The following RB1 variants were observed in gnomAD, a reference collection of about 807,000 sequenced individuals.
The protein encoded by RB1 is RB transcriptional corepressor 1.
RB1 carries 18 observed loss-of-function variants against 135.4 expected under a neutral mutation model. That is an observed-to-expected ratio of 0.13 (90% confidence interval 0.09 to 0.20). The LOEUF (loss-of-function observed/expected upper bound fraction) is 0.20. RB1 is among the 10% of genes least tolerant of loss of function. The pLI is 1.00. For synonymous variants in RB1, 365 were observed against 373.2 expected, an observed-to-expected ratio of 0.98 and a Z score of 0.25; for missense variants, 868 against 1,110.0, an observed-to-expected ratio of 0.78 and a Z score of 3.10.
At chr13:48,404,557 C>T (rs1189100592) in intron 17 of RB1, among the ~76,000 whole-genome samples, 1 of 151,824 alleles carries the variant, frequency 6.6e-6, no homozygotes, top group African/African-American at 2.4e-5. Context: ...ATGACAGTCT[C>T]GCTCTGTCGC....
At chr13:48,415,003 T>A (rs77979461) in intron 17 of RB1, among the ~76,000 whole-genome samples, 2 of 151,292 alleles carry the variant, frequency 1.3e-5, no homozygotes, top group Non-Finnish European at 3.0e-5. Context: ...ATTTTTTTTT[T>A]ATTTGGTTCA....
At chr13:48,306,657 G>A (rs1288791799) in intron 1 of RB1, among the ~76,000 whole-genome samples, 1 of 152,062 alleles carries the variant, frequency 6.6e-6, no homozygotes, top group Non-Finnish European at 1.5e-5. Context: ...ATATGTTTAA[G>A]GTACTTTCTA....
At chr13:48,471,573 T>TTAAAAA (rs71072103) in intron 23 of RB1, among the ~76,000 whole-genome samples, 66,852 of 133,752 alleles carry the variant, frequency 0.5, 20,570 homozygotes, top group Middle Eastern at 0.69. Context: ...AAAATATAAA[T>TTAAAAA]AAAAAAAAAA....
intron 2 of RB1, among the ~76,000 whole-genome samples, chr13:48,322,562 A>G (rs967156193): frequency 3.9e-5 from 6 of 152,246 alleles, no homozygotes; most frequent in African/African-American, 1.4e-4. Flanking sequence ...TCTCCAATAG[A>G]ATGTTGAATA....
chr13:48,328,396 C>A (rs2138065460), intron 2 of RB1: 1 of 1,503,212 alleles, frequency 6.7e-7, no homozygotes, highest in African/African-American at 1.4e-5. Flanking sequence ...CTACCTATGG[C>A]AAATCCAAAG....
intron 17 of RB1, among the ~76,000 whole-genome samples, chr13:48,401,587 C>T (rs917413083): frequency 1.2e-4 from 18 of 152,232 alleles, no homozygotes; most frequent in South Asian, 2.1e-4. Context: ...TGAACTGTCA[C>T]GACCCAGTCT....
At chr13:48,391,494 C>T (rs1459935702) in intron 17 of RB1, 1 of 152,108 alleles carries the variant, frequency 6.6e-6, no homozygotes, top group Non-Finnish European at 1.5e-5. Flanking sequence ...GTGGCTCATA[C>T]CCGTAATCCC....
At chr13:48,320,099 C>A (rs938590044) in intron 2 of RB1, 1 of 669,346 alleles carries the variant, frequency 1.5e-6, no homozygotes, top group African/African-American at 1.8e-5. Context: ...CGCAATGTCC[C>A]GGTCCACGGA....
At chr13:48,445,482 C>CTTTCA (rs1288505700) in intron 17 of RB1, among the ~76,000 whole-genome samples, 28 of 152,326 alleles carry the variant, frequency 1.8e-4, no homozygotes, top group African/African-American at 6.7e-4. Flanking sequence ...TTCTGGTGGC[C>CTTTCA]TCTTTCATTT....
chr13:48,318,657 GT>G, intron 2 of RB1: 1 of 611,184 alleles, frequency 1.6e-6, no homozygotes, highest in East Asian at 3.1e-5. Flanking sequence ...CACCTCCCGC[GT>G]TTTCTTGGGC....
At chr13:48,317,220 C>T in intron 2 of RB1, 1 of 430,376 alleles carries the variant, frequency 2.3e-6, no homozygotes, top group Non-Finnish European at 4.0e-6. Flanking sequence ...TGCCTGCCCC[C>T]CTGGGAGACA....
At chr13:48,377,451 G>A (rs1219925172) in intron 13 of RB1, among the ~76,000 whole-genome samples, 2 of 152,106 alleles carry the variant, frequency 1.3e-5, no homozygotes, top group Non-Finnish European at 2.9e-5. Context: ...AATATAATAG[G>A]TAAGAGTATG....
chr13:48,448,949 G>T (rs1949308039), intron 17 of RB1, among the ~76,000 whole-genome samples: 1 of 152,078 alleles, frequency 6.6e-6, no homozygotes. Context: ...CTAATTCCAG[G>T]ACCTGTGCTT....
intron 2 of RB1, among the ~76,000 whole-genome samples, chr13:48,331,895 C>G (rs1392596856): frequency 6.6e-6 from 1 of 152,150 alleles, no homozygotes; most frequent in African/African-American, 2.4e-5. Flanking sequence ...TTGTTTTAAA[C>G]TAATGATTGG....
chr13:48,353,287 A>G (rs1221566618), intron 6 of RB1, among the ~76,000 whole-genome samples: 2 of 152,152 alleles, frequency 1.3e-5, no homozygotes, highest in African/African-American at 2.4e-5. Flanking sequence ...TGCAGAAACT[A>G]AAAGTATCAT....
At chr13:48,443,778 C>A (rs1055641349) in intron 17 of RB1, among the ~76,000 whole-genome samples, 1 of 152,112 alleles carries the variant, frequency 6.6e-6, no homozygotes, top group Non-Finnish European at 1.5e-5. Context: ...TGCTTTTAGA[C>A]CTGGCTATGT....
At chr13:48,395,663 G>T (rs1203175463) in intron 17 of RB1, among the ~76,000 whole-genome samples, 1 of 152,010 alleles carries the variant, frequency 6.6e-6, no homozygotes, top group Non-Finnish European at 1.5e-5. Flanking sequence ...GAAATAAAGC[G>T]TGATGACAAG....
chr13:48,404,570 A>G (rs1236292200), intron 17 of RB1, among the ~76,000 whole-genome samples: 5 of 152,070 alleles, frequency 3.3e-5, no homozygotes, highest in Non-Finnish European at 7.4e-5. Flanking sequence ...TCTGTCGCCC[A>G]GGCTGGAGTG....
At chr13:48,380,005 G>C (rs1223915408) in intron 14 of RB1, 48 bp from the exon 15 acceptor site, 1 of 1,077,660 alleles carries the variant, frequency 9.3e-7, no homozygotes, top group Non-Finnish European at 1.3e-6. Flanking sequence ...CACAAATAAG[G>C]TTTCAATTAA....
Sources: allele counts gnomAD v4.1 joint callset (sites outside exome capture counted in the v4.1 genomes callset), GRCh38; gene constraint gnomAD v4.1.1; transcripts MANE v1.5; gene names NCBI Gene and HGNC (gene_info 2026-07-23, HGNC 2026-07-21).